Variants in CDH17 observed in about 807,000 individuals in gnomAD.
The protein encoded by CDH17 is cadherin-17.
A neutral mutation model predicts 86.3 loss-of-function variants in CDH17; 67 were observed. The ratio of observed to expected loss-of-function variants is 0.78; its 90% confidence interval spans 0.64 to 0.95. The LOEUF is 0.95. CDH17 is among the 40% of genes least tolerant of loss of function. CDH17 has a pLI of 0.00. For missense variants in CDH17, 993 were observed against 1,017.6 expected, an observed-to-expected ratio of 0.98 and a Z score of 0.33; for synonymous variants, 367 against 366.4, an observed-to-expected ratio of 1.00 and a Z score of -0.02.
At chr8:94,136,315 T>A (rs185522280) in intron 15 of CDH17, among the ~76,000 whole-genome samples, 429 of 152,358 alleles carry the variant, frequency 2.8e-3, no homozygotes, top group African/African-American at 9.8e-3. Flanking sequence ...TTTGGTCTTT[T>A]CACATAGTCC....
chr8:94,127,277 G>A lies in CDH17; in HGVS notation c.*963C>T, dbSNP rs964136951. ...AATAACCAAAACTTTACTAACATAC[G>A]AATGAAGAAAACATGCGCAGCATGT... On this transcript the variant is annotated 3_prime_UTR_variant, in exon 18 of 18. Transcript: ENST00000027335. 3.3e-5 allele frequency: 5 copies of A among 152,156 alleles called. No homozygotes were observed. The highest frequency in any genetic ancestry group is 5.9e-5 in the Non-Finnish European group (4 of 68,022). 9.4% of individuals were successfully genotyped at this position (152,156 alleles called of 1,614,324 possible). A position where few individuals can be genotyped will look rare whatever the true frequency, so the allele number is the denominator to read the frequency against.
chr8:94,182,965 A>G (rs1813510851), intron 3 of CDH17, among the ~76,000 whole-genome samples: 1 of 152,122 alleles, frequency 6.6e-6, no homozygotes, highest in Non-Finnish European at 1.5e-5. Flanking sequence ...ACCATTAGCA[A>G]ATAGCAACCC....
intron 1 of CDH17, among the ~76,000 whole-genome samples, chr8:94,196,694 C>A (rs554205306): frequency 1.1e-4 from 16 of 152,284 alleles, no homozygotes; most frequent in Non-Finnish European, 2.2e-4. Flanking sequence ...GCCCCAAAAT[C>A]ATTTCTAACA....
chr8:94,180,891 A>T (rs1207596259), intron 3 of CDH17, among the ~76,000 whole-genome samples: 1 of 148,222 alleles, frequency 6.7e-6, no homozygotes, highest in African/African-American at 2.5e-5. Context: ...TGAGATTCCC[A>T]GAGTGAGACT....
rs1409116903 is a variant in CDH17 at position 94,170,341 on chromosome 8, G to A, written c.1066+56C>T. On this transcript the variant is annotated intron_variant, in intron 9 of 17. Coordinates refer to ENST00000027335, the MANE Select transcript of CDH17 (RefSeq NM_004063.4). ...AGGTCTCCTGCTCACCTTTTACCCAGCAGAGGAGAGAAATGGAGGGCAGTT... is the reference window on the plus strand; with the variant it reads ...AGGTCTCCTGCTCACCTTTTACCCAACAGAGGAGAGAAATGGAGGGCAGTT... 3.2e-6 allele frequency: 5 copies of A among 1,575,040 alleles called. No individual in the cohort carries two copies. The Admixed American group carries it at 5.2e-5, about 16-fold the overall frequency.
At chr8:94,149,009 GATT>G (rs1171354698) in intron 13 of CDH17, 135 bp from the exon 14 acceptor site, 4 of 584,368 alleles carry the variant, frequency 6.8e-6, no homozygotes, top group Non-Finnish European at 1.1e-5. Flanking sequence ...ATAATGCTGA[GATT>G]ATCATTATCA....
chr8:94,165,507 C>A (rs1331295060), intron 10 of CDH17, among the ~76,000 whole-genome samples: 2 of 152,140 alleles, frequency 1.3e-5, no homozygotes, highest in Non-Finnish European at 2.9e-5. Context: ...CCAATAAAAT[C>A]CTCGTACATT....
Position 94,152,061 on chromosome 8 carries a change from T to A in CDH17, c.1603A>T (p.Asn535Tyr). 1.2e-6 allele frequency: 2 copies of A among 1,614,162 alleles called. No individual in the cohort carries two copies. The highest frequency in any genetic ancestry group is 1.7e-6 in the Non-Finnish European group (2 of 1,180,026). Residue 535 changes from asparagine to tyrosine, a missense_variant, in exon 13 of 18, where the codon AAT becomes TAT. Physicochemically the swap from Asn to Tyr is moderately radical, Grantham distance 143. Transcript: ENST00000027335. ...ACACCAAACACTAGAGGCTCAGGAT[T>A]TTCTGCTTTGAACACAATGTTGGAA... ...AVSNIVFKAE[N>Y]PEPLVFGVKY...
chr8:94,162,170 C>A lies in CDH17; in HGVS notation c.1283-8G>T. 2.5e-6 allele frequency: 4 copies of A among 1,575,562 alleles called. No individual in the cohort carries two copies. Among genetic ancestry groups the A allele is most frequent in the Non-Finnish European group, 1.7e-6 (2 of 1,145,976 alleles). On this transcript the variant is annotated splice_polypyrimidine_tract_variant and splice_region_variant and intron_variant, in intron 10 of 17. Transcript: ENST00000027335. ...AACAAAGGGTCTTGAAATCTGAAAACCAAAGTCATATGTCATAGAAATTTT... is the reference window on the plus strand; with the variant it reads ...AACAAAGGGTCTTGAAATCTGAAAAACAAAGTCATATGTCATAGAAATTTT...
rs748506915 is a variant in CDH17, at chr8:94,174,247, C to T, written c.438G>A (p.Leu146=). 1 of 1,564,938 alleles carries T rather than the reference C, an allele frequency of 6.4e-7. No individual in the cohort carries two copies. The highest frequency in any genetic ancestry group is 8.6e-7 in the Non-Finnish European group (1 of 1,156,456). Residue 146 remains leucine, a synonymous_variant, in exon 6 of 18, where the codon TTG becomes TTA. Coordinates refer to ENST00000027335, the MANE Select transcript of CDH17 (RefSeq NM_004063.4). Reference sequence around the variant, plus strand: ...CATCCAGGTCTGTGGCATTGACATACAAGAAGGGCTTTCCTGTTTAACAAG... The same window carrying T: ...CATCCAGGTCTGTGGCATTGACATATAAGAAGGGCTTTCCTGTTTAACAAG... ...RQNSRPGKPF[L]YVNATDLDDP...
In CDH17 at chr8:94,144,484, G is replaced by A. The variant is rs117620492; in HGVS notation, c.2167+1444C>T. On this transcript the variant is annotated intron_variant, in intron 15 of 17. Transcript: ENST00000027335. ...AAAAAATGGAAGATCCATTGGGCAC[G>A]ATAAAGCAAAGTGCAATAAGATGAG... is the stretch of plus-strand genomic sequence containing the variant. Among the ~76,000 whole-genome samples, 50 of 152,040 alleles carry A rather than the reference G, an allele frequency of 3.3e-4. 1 individual carries two copies. The East Asian group carries it at 6.0e-3, about 18-fold the overall frequency.
chr8:94,215,764 T>C (rs1814184236), intron 1 of CDH17, among the ~76,000 whole-genome samples: 1 of 152,154 alleles, frequency 6.6e-6, no homozygotes, highest in Non-Finnish European at 1.5e-5. Context: ...GGCTAAACAT[T>C]TTCAGTTACC....
chr8:94,174,606 T>C (rs1439183722), intron 5 of CDH17, among the ~76,000 whole-genome samples: 3 of 152,226 alleles, frequency 2.0e-5, no homozygotes, highest in Non-Finnish European at 4.4e-5. Context: ...ACTTTGCAAC[T>C]AATCTTTAAG....
intron 13 of CDH17, among the ~76,000 whole-genome samples, chr8:94,151,271 G>C (rs1483339040): frequency 6.6e-6 from 1 of 152,158 alleles, no homozygotes; most frequent in Non-Finnish European, 1.5e-5. Context: ...AGGCAAATCT[G>C]TGTGGGTCTT....
At chr8:94,178,971 C>T (rs1428302670) in intron 3 of CDH17, among the ~76,000 whole-genome samples, 1 of 145,288 alleles carries the variant, frequency 6.9e-6, no homozygotes, top group African/African-American at 2.6e-5. Flanking sequence ...AGAACACTGG[C>T]AAAAATTGTA....
chr8:94,149,645 C>G lies in CDH17; in HGVS notation c.1797-771G>C, dbSNP rs377407956. On this transcript the variant is annotated intron_variant, in intron 13 of 17. Transcript: ENST00000027335. ...ACAGCATGGTGAGTGTGGGGTCAGG[C>G]ATTTCAGCAGTGCTGGGGTATACTT... Among the ~76,000 whole-genome samples, 101 of 152,230 alleles carry G rather than the reference C, an allele frequency of 6.6e-4. 2 individuals carry two copies. The South Asian group carries it at 0.019, about 28-fold the overall frequency.
chr8:94,189,354 G>A, intron 2 of CDH17, 69 bp from the exon 3 acceptor site: 1 of 1,089,178 alleles, frequency 9.2e-7, no homozygotes, highest in Admixed American at 2.2e-5. Context: ...ATTTTATTAG[G>A]GCTTCCAGCA....
intron 12 of CDH17, among the ~76,000 whole-genome samples, chr8:94,153,488 G>A (rs534780452): frequency 6.6e-5 from 10 of 152,258 alleles, no homozygotes; most frequent in African/African-American, 2.2e-4. Flanking sequence ...ACTACCATAC[G>A]ATCCAGAAAT....
Position 94,165,773 on chromosome 8 carries a change from C to T in CDH17, c.1270G>A (p.Val424Met), listed in dbSNP as rs766142813. The T allele has an allele frequency of 5.0e-6, 8 of 1,609,356 alleles. No individual in the cohort carries two copies. The highest frequency in any genetic ancestry group is 6.0e-6 in the Non-Finnish European group (7 of 1,175,646). The stretch of plus-strand genomic sequence containing the variant: ...ATATGATACTAACCTTTGTCAGACA[C>T]CTCTATCGTTAAGTTGTACTGAGGA... ...DTPQYNLTIE[V>M]SDKDFKTLCF... The change falls in exon 10 of 18, where the codon GTG becomes ATG. Residue 424 changes from valine to methionine, a missense_variant. Physicochemically the swap from Val to Met is conservative, Grantham distance 21. Transcript: ENST00000027335.
Sources: gnomAD v4.1 joint callset for allele counts (sites outside exome capture counted in the v4.1 genomes callset) on GRCh38, gnomAD v4.1.1 for gene constraint, MANE v1.5 for transcripts, NCBI Gene and HGNC (gene_info 2026-07-23, HGNC 2026-07-21) for gene names.